Variants in BACH2 observed in about 807,000 individuals in gnomAD.
BACH2 encodes BACH transcriptional regulator 2.
BACH2 carries 5 observed loss-of-function variants against 61.8 expected under a neutral mutation model. The ratio of observed to expected loss-of-function variants is 0.08; its 90% CI spans 0.04 to 0.17. The LOEUF (loss-of-function observed/expected upper bound fraction) is 0.17, where lower values mean the gene tolerates loss of function less well. Among genes scored for constraint, BACH2 ranks in the 10% least tolerant of loss-of-function variants. The pLI is 1.00. For missense variants in BACH2, 824 were observed against 1,091.1 expected (o/e 0.76, Z 3.45); for synonymous variants, 446 against 440.1 (o/e 1.01, Z -0.17).
intron 5 of BACH2, among the ~76,000 whole-genome samples, chr6:90,040,339 C>T (rs1374518046): frequency 6.6e-6 from 1 of 152,038 alleles, no homozygotes; most frequent in African/African-American, 2.4e-5. Flanking sequence ...TTTTTTATCA[C>T]ACTGATTTGA....
At chr6:90,178,139 C>G (rs1414156651) in intron 4 of BACH2, among the ~76,000 whole-genome samples, 1 of 152,106 alleles carries the variant, frequency 6.6e-6, no homozygotes, top group Admixed American at 6.6e-5. Flanking sequence ...GGGTGTGATA[C>G]CAACCGAACC....
chr6:90,045,238 T>C (rs1044563380), intron 5 of BACH2, among the ~76,000 whole-genome samples: 2 of 152,192 alleles, frequency 1.3e-5, no homozygotes, highest in East Asian at 1.9e-4. Context: ...TCCTAAATTA[T>C]TGAGGACAAA....
At chr6:90,197,737 C>G (rs1768807138) in intron 4 of BACH2, among the ~76,000 whole-genome samples, 1 of 152,128 alleles carries the variant, frequency 6.6e-6, no homozygotes, top group Non-Finnish European at 1.5e-5. Context: ...AATCAACATG[C>G]AATTAAAACT....
intron 6 of BACH2, among the ~76,000 whole-genome samples, chr6:89,969,415 TAGG>T (rs999028713): frequency 6.6e-6 from 1 of 152,024 alleles, no homozygotes; most frequent in Admixed American, 6.6e-5. Context: ...CACAATCAAA[TAGG>T]AGAATAATTG....
Position 90,220,753 on chromosome 6 carries a change from A to C in BACH2, c.-274-14072T>G, listed in dbSNP as rs572459403. 4.6e-5 allele frequency among the ~76,000 whole-genome samples: 7 copies of C among 152,378 alleles called. No homozygotes were observed. In the South Asian group the frequency reaches 1.2e-3, roughly 27 times the overall value. On this transcript the variant is annotated intron_variant, in intron 3 of 8. Coordinates refer to ENST00000257749, the MANE Select transcript of BACH2 (RefSeq NM_021813.4). ...GTCTCAAAACCATAATACAAACTTT[A>C]AATTGCATTAGCTTGACTGCCAAGA...
intron 4 of BACH2, among the ~76,000 whole-genome samples, chr6:90,130,714 G>A (rs1784049472): frequency 6.6e-6 from 1 of 152,208 alleles, no homozygotes; most frequent in Admixed American, 6.5e-5. Flanking sequence ...TTCACCATGG[G>A]ACAATACTAA....
chr6:90,104,758 A>G (rs1220661296), intron 4 of BACH2, among the ~76,000 whole-genome samples: 1 of 152,216 alleles, frequency 6.6e-6, no homozygotes. Flanking sequence ...ATATGCATGT[A>G]TCTTGGACAT....
intron 4 of BACH2, among the ~76,000 whole-genome samples, chr6:90,101,635 T>C (rs1782632295): frequency 6.6e-6 from 1 of 152,210 alleles, no homozygotes; most frequent in Non-Finnish European, 1.5e-5. Context: ...TTTTGCAAGA[T>C]TGTTTTAGCT....
intron 5 of BACH2, among the ~76,000 whole-genome samples, chr6:90,074,670 GAAT>G (rs1269900353): frequency 6.6e-6 from 1 of 152,136 alleles, no homozygotes; most frequent in African/African-American, 2.4e-5. Flanking sequence ...ACTCCATTCA[GAAT>G]ATTAGGGGAA....
intron 2 of BACH2, among the ~76,000 whole-genome samples, chr6:90,256,664 C>A (rs542270900): frequency 6.6e-6 from 1 of 152,092 alleles, no homozygotes; most frequent in African/African-American, 2.4e-5. Context: ...TGGTATACAA[C>A]GTGATGTTAT....
intron 4 of BACH2, among the ~76,000 whole-genome samples, chr6:90,089,427 C>G (rs2127807611): frequency 6.6e-6 from 1 of 152,032 alleles, no homozygotes; most frequent in South Asian, 2.1e-4. Context: ...AAGTTATCAC[C>G]TTCTATATTT....
chr6:90,265,869 C>A (rs1285901849), intron 2 of BACH2, among the ~76,000 whole-genome samples: 2 of 152,178 alleles, frequency 1.3e-5, no homozygotes, highest in East Asian at 3.8e-4. Flanking sequence ...GAACATTTAT[C>A]AAGTACTACC....
chr6:89,967,986 T>TTC (rs1448847765), intron 6 of BACH2, among the ~76,000 whole-genome samples: 1 of 152,214 alleles, frequency 6.6e-6, no homozygotes, highest in Non-Finnish European at 1.5e-5. Flanking sequence ...CCCCCAAATC[T>TTC]ACTCCCTTTT....
At chr6:90,251,638 TG>T in intron 3 of BACH2, among the ~76,000 whole-genome samples, 1 of 152,296 alleles carries the variant, frequency 6.6e-6, no homozygotes, top group East Asian at 1.9e-4. Flanking sequence ...CAGGGTATTT[TG>T]CCCTCTCTCT....
At chr6:90,088,497 A>C (rs768188478) in intron 5 of BACH2, among the ~76,000 whole-genome samples, 5 of 151,822 alleles carry the variant, frequency 3.3e-5, no homozygotes, top group Non-Finnish European at 7.3e-5. Flanking sequence ...CTGAGACATA[A>C]GTCAGTGTAT....
chr6:90,231,120 T>C (rs1231745336), intron 3 of BACH2, among the ~76,000 whole-genome samples: 1 of 152,192 alleles, frequency 6.6e-6, no homozygotes. Context: ...AAAGCAGCTG[T>C]GGTTTGTTTG....
intron 4 of BACH2, among the ~76,000 whole-genome samples, chr6:90,091,198 A>G (rs1486539411): frequency 6.6e-6 from 1 of 152,184 alleles, no homozygotes; most frequent in Non-Finnish European, 1.5e-5. Flanking sequence ...CACAAGCTTG[A>G]TCTTTCCACT....
chr6:90,171,283 T>C (rs1582446143), intron 4 of BACH2, among the ~76,000 whole-genome samples: 1 of 151,794 alleles, frequency 6.6e-6, no homozygotes, highest in East Asian at 1.9e-4. Flanking sequence ...TGTGGTAGTG[T>C]GCACCCGTAG....
At chr6:90,190,504 T>C (rs976326616) in intron 4 of BACH2, among the ~76,000 whole-genome samples, 2 of 152,242 alleles carry the variant, frequency 1.3e-5, no homozygotes, top group Admixed American at 1.3e-4. Context: ...CAGTTGTCTA[T>C]AGTAAAAACA....
Sources: allele counts gnomAD v4.1 joint callset (sites outside exome capture counted in the v4.1 genomes callset), GRCh38; gene constraint gnomAD v4.1.1; transcripts MANE v1.5; gene names NCBI Gene and HGNC (gene_info 2026-07-23, HGNC 2026-07-21).